Variants in IL1RAPL2 observed in about 807,000 individuals in gnomAD.
IL1RAPL2 encodes X-linked interleukin-1 receptor accessory protein-like 2.
Under a neutral mutation model 44.1 loss-of-function variants are expected in IL1RAPL2, and 3 were observed. The observed-to-expected ratio is 0.07, with a 90% confidence interval of 0.03 to 0.18. The LOEUF is 0.18. IL1RAPL2 is among the 10% of genes least tolerant of loss of function. The pLI is 1.00. For missense variants in IL1RAPL2, 391 were observed against 496.4 expected, an observed-to-expected ratio of 0.79 and a Z score of 2.02; for synonymous variants, 181 against 178.8, an observed-to-expected ratio of 1.01 and a Z score of -0.10.
intron 2 of IL1RAPL2, among the ~76,000 whole-genome samples, chrX:104,870,782 A>C (rs1475014140): frequency 1.8e-5 from 2 of 111,730 alleles, no homozygotes; most frequent in African/African-American, 6.5e-5. Context: ...TCCTCCTAAA[A>C]GAAAATTGTC....
rs149950677 is a variant in IL1RAPL2, at chrX:105,580,362, GTT to G, written c.772+95992_772+95993del. On this transcript the variant is annotated intron_variant, in intron 6 of 10. Coordinates refer to ENST00000372582, the MANE Select transcript of IL1RAPL2 (RefSeq NM_017416.2). ...AACTGATGTTAAGTGAACCCCCCGT[GTT>G]TTTTTTTTTTTTTTTTGCATACTTT... Among the ~76,000 whole-genome samples, 533 of 84,606 alleles carry G rather than the reference GTT, an allele frequency of 6.3e-3. 20 individuals are homozygous for G. The highest frequency in any genetic ancestry group is 0.021 in the African/African-American group (490 of 23,318). The allele number at this position is 84,606 out of a possible 115,157, so 73.5% of individuals were successfully genotyped here.
At chrX:105,095,527 A>G (rs1183154913) in intron 2 of IL1RAPL2, among the ~76,000 whole-genome samples, 2 of 111,986 alleles carry the variant, frequency 1.8e-5, no homozygotes, top group African/African-American at 6.5e-5. Flanking sequence ...TAGAATTGAG[A>G]GTGCAGAAAT....
At chrX:105,295,204 G>A (rs961024568) in intron 5 of IL1RAPL2, among the ~76,000 whole-genome samples, 2 of 111,339 alleles carry the variant, frequency 1.8e-5, no homozygotes, top group Non-Finnish European at 3.8e-5. Context: ...TAGGCAGTAC[G>A]GAACCATGAA....
chrX:105,528,268 A>G (rs1394240482), intron 6 of IL1RAPL2, among the ~76,000 whole-genome samples: 1 of 111,494 alleles, frequency 9.0e-6, no homozygotes, highest in Non-Finnish European at 1.9e-5. Flanking sequence ...AGCCCCATAA[A>G]GTAAACATGG....
At chrX:104,661,533 G>A (rs749461653) in intron 2 of IL1RAPL2, among the ~76,000 whole-genome samples, 13 of 111,142 alleles carry the variant, frequency 1.2e-4, no homozygotes, top group Non-Finnish European at 1.9e-4. Flanking sequence ...AGGATACTTT[G>A]GAGCAGTTCT....
chrX:105,021,746 T>C (rs1194983908), intron 2 of IL1RAPL2, among the ~76,000 whole-genome samples: 1 of 111,841 alleles, frequency 8.9e-6, no homozygotes, highest in Non-Finnish European at 1.9e-5. Context: ...AAACAATACG[T>C]GGGTATTTGC....
At chrX:104,819,599 G>T (rs1921243870) in intron 2 of IL1RAPL2, among the ~76,000 whole-genome samples, 1 of 111,868 alleles carries the variant, frequency 8.9e-6, no homozygotes, top group African/African-American at 3.3e-5. Flanking sequence ...GAAATGGGTA[G>T]ATCTAGTTCT....
chrX:105,102,909 A>C (rs1037781692), intron 2 of IL1RAPL2, among the ~76,000 whole-genome samples: 1 of 111,449 alleles, frequency 9.0e-6, no homozygotes, highest in Non-Finnish European at 1.9e-5. Flanking sequence ...TAAGAAAGAT[A>C]GTAGTAAAAG....
intron 6 of IL1RAPL2, among the ~76,000 whole-genome samples, chrX:105,492,622 AGTG>A (rs1379695386): frequency 9.1e-6 from 1 of 109,314 alleles, no homozygotes; most frequent in Non-Finnish European, 1.9e-5. Context: ...TAGTAGTGGC[AGTG>A]GTGGTGGTGG....
chrX:105,063,109 T>C (rs2032095432), intron 2 of IL1RAPL2, among the ~76,000 whole-genome samples: 1 of 111,209 alleles, frequency 9.0e-6, no homozygotes, highest in African/African-American at 3.3e-5. Flanking sequence ...CTTGGAGGCA[T>C]GCTTTATTGT....
In IL1RAPL2 at chrX:104,744,059, T is replaced by C. The variant is rs1330733754; in HGVS notation, c.82+85064T>C. ...CTATATTGATAACCAGAATGCAGGA[T>C]GCTGAATGAGTGAAAGTGTTTGCTG... On this transcript the variant is annotated intron_variant, in intron 2 of 10. Transcript: ENST00000372582. Among the ~76,000 whole-genome samples the C allele has an allele frequency of 5.4e-5, 6 of 110,738 alleles. No homozygotes were observed. The Admixed American group carries it at 5.8e-4, about 11-fold the overall frequency.
intron 2 of IL1RAPL2, among the ~76,000 whole-genome samples, chrX:104,872,687 CCTTTGAGTTGTAGAAA>C (rs1427483571): frequency 2.7e-5 from 3 of 111,242 alleles, no homozygotes; most frequent in Non-Finnish European, 5.7e-5. Context: ...GTGACTAGAA[CCTTTGAGTTGTAGAAA>C]CTACAGCCAA....
chrX:104,875,616 C>T (rs1270351068), intron 2 of IL1RAPL2, among the ~76,000 whole-genome samples: 1 of 111,350 alleles, frequency 9.0e-6, no homozygotes, highest in Non-Finnish European at 1.9e-5. Flanking sequence ...TGGTCTGGAA[C>T]TCTTTTCCCC....
chrX:104,729,320 A>T (rs1053959139), intron 2 of IL1RAPL2, among the ~76,000 whole-genome samples: 4 of 110,687 alleles, frequency 3.6e-5, no homozygotes, highest in Non-Finnish European at 5.7e-5. Flanking sequence ...GGGCTTGATC[A>T]TCGTCCCAAC....
chrX:105,674,027 C>T (rs947162464), intron 6 of IL1RAPL2, among the ~76,000 whole-genome samples: 2 of 110,216 alleles, frequency 1.8e-5, no homozygotes, highest in Non-Finnish European at 3.8e-5. Context: ...TTTGTTTTTA[C>T]CTCAAAAATG....
intron 2 of IL1RAPL2, among the ~76,000 whole-genome samples, chrX:105,185,446 T>A (rs1398789022): frequency 8.9e-6 from 1 of 111,989 alleles, no homozygotes; most frequent in Non-Finnish European, 1.9e-5. Flanking sequence ...TTCCAAGTGA[T>A]CACATATGCA....
chrX:104,929,752 T>C (rs1243426928), intron 2 of IL1RAPL2, among the ~76,000 whole-genome samples: 3 of 111,414 alleles, frequency 2.7e-5, no homozygotes, highest in African/African-American at 6.5e-5. Flanking sequence ...GGTATCTCCA[T>C]ATTCCTTCTG....
intron 2 of IL1RAPL2, among the ~76,000 whole-genome samples, chrX:104,818,589 T>G (rs1921210611): frequency 1.8e-5 from 2 of 110,165 alleles, no homozygotes; most frequent in East Asian, 2.9e-4. Flanking sequence ...GAAGGAAATC[T>G]ACCTTTCATG....
intron 2 of IL1RAPL2, among the ~76,000 whole-genome samples, chrX:105,097,966 G>A (rs2032626403): frequency 9.0e-6 from 1 of 111,650 alleles, no homozygotes; most frequent in South Asian, 3.8e-4. Flanking sequence ...ATGGGGGAGT[G>A]GAGCTGGGAA....
Sources: allele counts gnomAD v4.1 joint callset (sites outside exome capture counted in the v4.1 genomes callset), GRCh38; gene constraint gnomAD v4.1.1; transcripts MANE v1.5; gene names NCBI Gene and HGNC (gene_info 2026-07-23, HGNC 2026-07-21).